The following STRIP2 variants were observed in gnomAD, a reference collection of about 807,000 sequenced individuals.
STRIP2 encodes the protein striatin interacting protein 2, also known as striatin-interacting protein 2.
A neutral mutation model predicts 107.1 loss-of-function variants in STRIP2; 84 were observed. That is an observed-to-expected ratio of 0.78 (90% CI 0.66 to 0.94). The LOEUF (loss-of-function observed/expected upper bound fraction) is 0.94, where lower values mean the gene tolerates loss of function less well. Among genes scored for constraint, STRIP2 ranks in the 40% least tolerant of loss-of-function variants. The probability of loss-of-function intolerance (pLI) is 0.00; values close to 1 mark genes in which losing one functional copy is unlikely to be tolerated. For missense variants in STRIP2, 888 were observed against 1,034.2 expected (o/e 0.86, Z 1.94); for synonymous variants, 394 against 400.4 (o/e 0.98, Z 0.19).
intron 1 of STRIP2, among the ~76,000 whole-genome samples, chr7:129,438,682 A>C (rs772078261): frequency 6.6e-6 from 1 of 152,190 alleles, no homozygotes; most frequent in Non-Finnish European, 1.5e-5. Flanking sequence ...ACAAGGCCCT[A>C]CGTTAGACAC....
At chr7:129,476,217 G>T (rs1798931339) in intron 18 of STRIP2, among the ~76,000 whole-genome samples, 2 of 151,520 alleles carry the variant, frequency 1.3e-5, no homozygotes. Flanking sequence ...TCCCGGACGG[G>T]GCGGCTGGCC....
chr7:129,437,375 C>T (rs569684398), intron 1 of STRIP2, among the ~76,000 whole-genome samples: 1 of 151,960 alleles, frequency 6.6e-6, no homozygotes, highest in East Asian at 1.9e-4. Context: ...GAGGTTGAGG[C>T]CGCAGTGAGC....
intron 9 of STRIP2, among the ~76,000 whole-genome samples, chr7:129,457,173 A>G (rs1006256233): frequency 6.6e-6 from 1 of 152,166 alleles, no homozygotes; most frequent in Non-Finnish European, 1.5e-5. Context: ...AATCTGAAAA[A>G]TGTGTCATTA....
At chr7:129,485,338 T>C (rs574655580) in intron 20 of STRIP2, among the ~76,000 whole-genome samples, 1 of 151,908 alleles carries the variant, frequency 6.6e-6, no homozygotes, top group African/African-American at 2.4e-5. Flanking sequence ...TACCAGTTTC[T>C]AGACTACCCT....
chr7:129,446,660 T>A (rs1208774104), intron 3 of STRIP2, among the ~76,000 whole-genome samples: 1 of 152,120 alleles, frequency 6.6e-6, no homozygotes, highest in African/African-American at 2.4e-5. Context: ...TCTGTCAACT[T>A]ATAGGGAGCT....
In STRIP2 at chr7:129,480,797, A is replaced by G; in HGVS notation, c.1957A>G (p.Asn653Asp). ...LTTESLEAGD[N>D]SQFCWRNLFS... The stretch of plus-strand genomic sequence containing the variant: ...TTCCCTACTATAGGAAGCTGGAGAC[A>G]ACAGCCAGTTCTGCTGGAGGAACCT... The change falls in exon 19 of 21, where the codon AAC becomes GAC. Residue 653 changes from asparagine (N) to aspartate (D), a missense_variant. Coordinates refer to ENST00000249344, the MANE Select transcript of STRIP2 (RefSeq NM_020704.3). 6.2e-7 allele frequency: 1 copy of G among 1,613,686 alleles called. No homozygotes were observed. Among genetic ancestry groups the G allele is most frequent in the Non-Finnish European group, 8.5e-7 (1 of 1,179,798 alleles).
At chr7:129,434,684 C>A (rs1476806018) in intron 1 of STRIP2, 83 bp downstream of exon 1, 7 of 1,365,670 alleles carry the variant, frequency 5.1e-6, no homozygotes, top group Non-Finnish European at 6.6e-6. Context: ...GGCCTCGGCC[C>A]CGGAGCCCTC....
intron 7 of STRIP2, 99 bp from the exon 8 acceptor site, chr7:129,455,145 G>T: frequency 7.1e-7 from 1 of 1,408,588 alleles, no homozygotes; most frequent in Non-Finnish European, 9.6e-7. Context: ...TTCAGGGGAG[G>T]TGAGTGCCTT....
intron 3 of STRIP2, among the ~76,000 whole-genome samples, chr7:129,450,185 C>T (rs1798144987): frequency 6.6e-6 from 1 of 152,156 alleles, no homozygotes; most frequent in Non-Finnish European, 1.5e-5. Context: ...ACTGAAAGAA[C>T]TCCATCCTTA....
chr7:129,485,505 A>G (rs1390301666), intron 20 of STRIP2, 74 bp from the exon 21 acceptor site: 3 of 1,555,208 alleles, frequency 1.9e-6, no homozygotes, highest in Admixed American at 1.8e-5. Flanking sequence ...TTGGAATCCC[A>G]TAGACCATGC....
chr7:129,459,698 T>C, intron 12 of STRIP2, 118 bp downstream of exon 12: 1 of 792,398 alleles, frequency 1.3e-6, no homozygotes, highest in Non-Finnish European at 2.1e-6. Context: ...ACCTTCTGCA[T>C]TCCTCCTGCA....
rs1247423011 is a variant in STRIP2, at chr7:129,456,658, G to A, written c.1038+16G>A. ...CTCTCGAAGGGTATGGACTGAAGCA[G>A]ACAATGGTATTGGGACACCGACTGG... On this transcript the variant is annotated intron_variant, in intron 9 of 20. Coordinates refer to ENST00000249344, the MANE Select transcript of STRIP2 (RefSeq NM_020704.3). The A allele has an allele frequency of 1.2e-6, 2 of 1,610,276 alleles. No homozygotes were observed. Among genetic ancestry groups the A allele is most frequent in the Non-Finnish European group, 8.5e-7 (1 of 1,177,624 alleles).
chr7:129,450,322 T>C (rs1183071296), intron 3 of STRIP2, among the ~76,000 whole-genome samples: 2 of 152,152 alleles, frequency 1.3e-5, no homozygotes, highest in Non-Finnish European at 2.9e-5. Flanking sequence ...CATGTAGCCT[T>C]TCCTTCTTGC....
chr7:129,445,068 T>A (rs1277953669), intron 3 of STRIP2, among the ~76,000 whole-genome samples: 1 of 152,188 alleles, frequency 6.6e-6, no homozygotes, highest in Non-Finnish European at 1.5e-5. Context: ...GTCGTGGTTT[T>A]TTTCCTGGTG....
At chr7:129,464,559 A>G (rs932876010) in intron 15 of STRIP2, 53 bp from the exon 16 acceptor site, 2 of 1,605,714 alleles carry the variant, frequency 1.2e-6, no homozygotes, top group African/African-American at 2.7e-5. Flanking sequence ...GGATCCCTAC[A>G]GGGCTCCCTT....
rs945039279 is a variant in STRIP2, at chr7:129,486,877, T to C, written c.*1048T>C. On this transcript the variant is annotated 3_prime_UTR_variant, in exon 21 of 21. Coordinates refer to ENST00000249344, the MANE Select transcript of STRIP2 (RefSeq NM_020704.3). ...CTACTTAAAAGTATTGCACATTTCA[T>C]TGAAAATGTGAGAGTTGATATACCA... 1.3e-5 allele frequency: 2 copies of C among 152,156 alleles called. No homozygotes were observed. Among genetic ancestry groups the C allele is most frequent in the African/African-American group, 4.8e-5 (2 of 41,442 alleles). The allele number at this position is 152,156 out of a possible 1,614,324, so 9.4% of individuals were successfully genotyped here.
At position 129,451,706 on chromosome 7, in the gene STRIP2, G is replaced by A. The variant is rs200542779; in HGVS notation, c.368G>A (p.Arg123Gln). The A allele has an allele frequency of 1.1e-5, 17 of 1,613,928 alleles. No homozygotes were observed. The highest frequency in any genetic ancestry group is 3.3e-5 in the Admixed American group (2 of 60,006). Residue 123 changes from arginine (R) to glutamine (Q), a missense_variant, in exon 4 of 21, where the codon CGG becomes CAG. Transcript: ENST00000249344. ...CGGCTAGAGGTGGTCAGTAGGGAAC[G>A]GCGGCTGAAGGTGGCCCGGGCTGTT... ...LDRLEVVSRE[R>Q]RLKVARAVLY...
At chr7:129,469,980 T>G (rs570957124) in intron 17 of STRIP2, among the ~76,000 whole-genome samples, 1 of 152,328 alleles carries the variant, frequency 6.6e-6, no homozygotes. Context: ...GAGACAGCTG[T>G]CATTTATTTT....
At chr7:129,464,555 C>T in intron 15 of STRIP2, 57 bp from the exon 16 acceptor site, 4 of 1,602,530 alleles carry the variant, frequency 2.5e-6, no homozygotes, top group Non-Finnish European at 3.4e-6. Context: ...ACCTGGATCC[C>T]TACAGGGCTC....
Sources: allele counts gnomAD v4.1 joint callset (sites outside exome capture counted in the v4.1 genomes callset), GRCh38; gene constraint gnomAD v4.1.1; transcripts MANE v1.5; gene names NCBI Gene and HGNC (gene_info 2026-07-23, HGNC 2026-07-21).